Variants in CCDC148 observed in about 807,000 individuals in gnomAD.
The protein encoded by CCDC148 is coiled-coil domain containing 148.
CCDC148 carries 89 observed loss-of-function variants against 85.7 expected under a neutral mutation model. The observed-to-expected ratio is 1.04, with a 90% CI of 0.87 to 1.24. CCDC148 has a LOEUF of 1.24. Among genes scored for constraint, CCDC148 ranks in the 50% most tolerant of loss-of-function variants. CCDC148 has a pLI of 0.00. For missense variants in CCDC148, 692 were observed against 671.7 expected, an observed-to-expected ratio of 1.03 and a Z score of -0.33; for synonymous variants, 230 against 213.9, an observed-to-expected ratio of 1.08 and a Z score of -0.66.
chr2:158,288,078 A>C (rs1353126179), intron 9 of CCDC148, among the ~76,000 whole-genome samples: 1 of 152,154 alleles, frequency 6.6e-6, no homozygotes, highest in African/African-American at 2.4e-5. Flanking sequence ...CCTGACCTGT[A>C]CTTTGGCCCC....
At chr2:158,391,568 T>C (rs1163724880) in intron 1 of CCDC148, among the ~76,000 whole-genome samples, 4 of 152,182 alleles carry the variant, frequency 2.6e-5, no homozygotes, top group Admixed American at 6.6e-5. Flanking sequence ...TCAGCACTTA[T>C]TATTATTTAA....
At chr2:158,328,920 T>C (rs1032337068) in intron 7 of CCDC148, among the ~76,000 whole-genome samples, 1 of 151,926 alleles carries the variant, frequency 6.6e-6, no homozygotes, top group Non-Finnish European at 1.5e-5. Context: ...ATTAGCCCTT[T>C]GTCAGATGAG....
chr2:158,346,376 G>A (rs543415674), intron 2 of CCDC148, among the ~76,000 whole-genome samples: 1 of 152,212 alleles, frequency 6.6e-6, no homozygotes, highest in African/African-American at 2.4e-5. Flanking sequence ...GTTCCACTAC[G>A]GTTCCAACTA....
chr2:158,283,438 AAAC>A (rs201774669), intron 9 of CCDC148, among the ~76,000 whole-genome samples: 9,756 of 152,270 alleles, frequency 0.064, 371 homozygotes, highest in Non-Finnish European at 0.081. Flanking sequence ...TACAAGTGAA[AAAC>A]AACGCCATCA....
intron 9 of CCDC148, among the ~76,000 whole-genome samples, chr2:158,293,872 C>T (rs929254310): frequency 1.3e-5 from 2 of 151,446 alleles, no homozygotes; most frequent in African/African-American, 4.9e-5. Flanking sequence ...AGCTTGCAGC[C>T]AGGCATGGCA....
At chr2:158,211,993 T>C (rs1686604305) in intron 11 of CCDC148, among the ~76,000 whole-genome samples, 1 of 152,248 alleles carries the variant, frequency 6.6e-6, no homozygotes, top group South Asian at 2.1e-4. Flanking sequence ...ACAATTTGTT[T>C]TGTTATACTG....
At chr2:158,344,554 T>A (rs1358606143) in intron 3 of CCDC148, among the ~76,000 whole-genome samples, 4 of 152,132 alleles carry the variant, frequency 2.6e-5, no homozygotes, top group Admixed American at 2.0e-4. Flanking sequence ...GTATACAAGC[T>A]ATAAATGAAG....
At chr2:158,387,823 A>G (rs1219380796) in intron 1 of CCDC148, among the ~76,000 whole-genome samples, 1 of 152,084 alleles carries the variant, frequency 6.6e-6, no homozygotes, top group Non-Finnish European at 1.5e-5. Context: ...TCTGACACCC[A>G]TATCAGGCCG....
intron 1 of CCDC148, among the ~76,000 whole-genome samples, chr2:158,449,995 T>TTG (rs1688337204): frequency 6.7e-6 from 1 of 148,254 alleles, no homozygotes; most frequent in Non-Finnish European, 1.5e-5. Context: ...TCTTCATTTT[T>TTG]TTTTTTTTGT....
chr2:158,356,742 A>G (rs1163191146), intron 2 of CCDC148, among the ~76,000 whole-genome samples: 1 of 146,576 alleles, frequency 6.8e-6, no homozygotes, highest in African/African-American at 2.6e-5. Context: ...TATATACCCA[A>G]AGGACTATAA....
intron 10 of CCDC148, 80 bp from the exon 11 acceptor site, chr2:158,220,793 G>T: frequency 4.7e-6 from 5 of 1,064,170 alleles, no homozygotes; most frequent in South Asian, 3.0e-5. Flanking sequence ...CATATCCACT[G>T]GTTCGTATTA....
chr2:158,351,562 C>T (rs1000666942), intron 2 of CCDC148, among the ~76,000 whole-genome samples: 2 of 152,230 alleles, frequency 1.3e-5, no homozygotes, highest in African/African-American at 4.8e-5. Context: ...CCGCACCTGG[C>T]TTGGAGGGTC....
At chr2:158,381,283 G>A (rs959562520) in intron 1 of CCDC148, among the ~76,000 whole-genome samples, 7 of 151,852 alleles carry the variant, frequency 4.6e-5, no homozygotes, top group Non-Finnish European at 1.0e-4. Context: ...AAAGGCAGAC[G>A]ACCCAATAAA....
rs1235331417 is a variant in CCDC148 at position 158,340,347 on chromosome 2, TA to T, written c.380del (p.Ile127LysfsTer7). On this transcript the variant is annotated frameshift_variant, in exon 5 of 14. Coordinates refer to ENST00000283233, the MANE Select transcript of CCDC148 (RefSeq NM_138803.4). LOFTEE classifies it high-confidence loss of function. Reference protein sequence around the residue: ...EQQCTYLKNVINPIQQLRADL... With the variant: ...EQQCTYLKNVXNPIQQLRADL... The stretch of plus-strand genomic sequence containing the variant: ...CTGCTCTCAGCTGCTGAATAGGATT[TA>T]TTACATTTTTAAGATATGTGCACTG... The T allele has an allele frequency of 1.2e-6, 2 of 1,613,958 alleles. No homozygotes were observed. Among genetic ancestry groups the T allele is most frequent in the Non-Finnish European group, 1.7e-6 (2 of 1,179,938 alleles).
At chr2:158,385,492 T>A (rs989955161) in intron 1 of CCDC148, among the ~76,000 whole-genome samples, 1 of 152,120 alleles carries the variant, frequency 6.6e-6, no homozygotes, top group African/African-American at 2.4e-5. Context: ...ACAGACATCT[T>A]TAAAAAAGCA....
intron 12 of CCDC148, among the ~76,000 whole-genome samples, chr2:158,177,868 T>C (rs1041099956): frequency 6.6e-6 from 1 of 152,142 alleles, no homozygotes; most frequent in African/African-American, 2.4e-5. Context: ...AGAAAGCACC[T>C]AACCTCGGTG....
At chr2:158,372,655 A>C (rs1230610144) in intron 1 of CCDC148, among the ~76,000 whole-genome samples, 2 of 151,938 alleles carry the variant, frequency 1.3e-5, no homozygotes, top group East Asian at 3.9e-4. Context: ...CACTCCTTCC[A>C]TATCCTATAT....
chr2:158,195,253 T>C (rs1240667260), intron 11 of CCDC148, among the ~76,000 whole-genome samples: 1 of 152,060 alleles, frequency 6.6e-6, no homozygotes, highest in African/African-American at 2.4e-5. Context: ...CCTGCTCTTT[T>C]CCATTTCCCC....
intron 1 of CCDC148, among the ~76,000 whole-genome samples, chr2:158,433,089 A>T (rs866938094): frequency 0.093 from 6,010 of 64,542 alleles, 314 homozygotes; most frequent in East Asian, 0.2. Flanking sequence ...AAAAAAAAAA[A>T]AAATATATAT....
Sources: allele counts gnomAD v4.1 joint callset (sites outside exome capture counted in the v4.1 genomes callset), GRCh38; gene constraint gnomAD v4.1.1; transcripts MANE v1.5; gene names NCBI Gene and HGNC (gene_info 2026-07-23, HGNC 2026-07-21).